DOCK3: variants seen among roughly 807,000 people sequenced by gnomAD.
DOCK3 encodes dedicator of cytokinesis protein 3.
In DOCK3, 60 loss-of-function variants were observed where a neutral mutation model predicts 265.6. That is an observed-to-expected ratio of 0.23 (90% CI 0.18 to 0.28). The LOEUF (loss-of-function observed/expected upper bound fraction) is 0.28. Ranked by LOEUF, DOCK3 falls within the 10% of genes least tolerant of loss-of-function variation. The probability of loss-of-function intolerance (pLI) is 1.00; values close to 1 mark genes in which losing one functional copy is unlikely to be tolerated. For synonymous variants in DOCK3, 881 were observed against 938.0 expected (o/e 0.94, Z 1.11); for missense variants, 1,981 against 2,594.3 (o/e 0.76, Z 5.14).
chr3:50,959,546 GTGTGTGTGTGTGTATA>G (rs1168740941), intron 5 of DOCK3, among the ~76,000 whole-genome samples: 1 of 142,230 alleles, frequency 7.0e-6, no homozygotes, highest in Non-Finnish European at 1.6e-5. Context: ...GTGTGTGTGT[GTGTGTGTGTGTGTATA>G]TATATATAAA....
chr3:51,153,417 T>C (rs1309493772), intron 10 of DOCK3, among the ~76,000 whole-genome samples: 1 of 152,196 alleles, frequency 6.6e-6, no homozygotes, highest in Non-Finnish European at 1.5e-5. Flanking sequence ...CTGTCATGGC[T>C]TCCCTTGGCT....
chr3:50,746,753 A>G (rs554173496), intron 1 of DOCK3, among the ~76,000 whole-genome samples: 1 of 152,112 alleles, frequency 6.6e-6, no homozygotes, highest in Non-Finnish European at 1.5e-5. Flanking sequence ...GAGCAGGAGT[A>G]AGGGGTGGAG....
At position 51,254,753 on chromosome 3, in the gene DOCK3, A is replaced by G. The variant is rs552306289; in HGVS notation, c.2185-5403A>G. 5.3e-5 allele frequency among the ~76,000 whole-genome samples: 8 copies of G among 152,214 alleles called. No individual in the cohort carries two copies. In the East Asian group the frequency reaches 9.6e-4, roughly 18 times the overall value. Reference sequence around the variant, plus strand: ...TCCTCCATCCCTTTATTTTGAGCCTATGTGTGTCTCTGCATGTGAGATGGT... The same window carrying G: ...TCCTCCATCCCTTTATTTTGAGCCTGTGTGTGTCTCTGCATGTGAGATGGT... On this transcript the variant is annotated intron_variant, in intron 22 of 52. Coordinates refer to ENST00000266037, the MANE Select transcript of DOCK3 (RefSeq NM_004947.5).
intron 4 of DOCK3, 51 bp downstream of exon 4, chr3:50,890,132 G>A: frequency 7.4e-7 from 1 of 1,350,418 alleles, no homozygotes; most frequent in Non-Finnish European, 9.6e-7. Flanking sequence ...AGGCTACAGA[G>A]GAAGATTGTT....
intron 4 of DOCK3, among the ~76,000 whole-genome samples, chr3:50,917,603 A>G (rs1185883581): frequency 1.3e-5 from 2 of 152,068 alleles, no homozygotes; most frequent in East Asian, 1.9e-4. Flanking sequence ...TTTTCTTCAC[A>G]TCAACTTTTT....
intron 5 of DOCK3, among the ~76,000 whole-genome samples, chr3:50,990,554 T>G (rs1244144520): frequency 6.6e-6 from 1 of 152,200 alleles, no homozygotes; most frequent in Non-Finnish European, 1.5e-5. Context: ...TATATCTAGC[T>G]GTATTAGGGT....
intron 5 of DOCK3, among the ~76,000 whole-genome samples, chr3:51,014,835 GT>G (rs2079089096): frequency 6.6e-6 from 1 of 151,958 alleles, no homozygotes; most frequent in South Asian, 2.1e-4. Context: ...TTGTTTTGTA[GT>G]TTTCTTTGTA....
chr3:50,799,917 G>A (rs2108664109), intron 2 of DOCK3, among the ~76,000 whole-genome samples: 1 of 152,242 alleles, frequency 6.6e-6, no homozygotes, highest in Middle Eastern at 3.4e-3. Context: ...AAGGGATGTT[G>A]AATTTCATTA....
intron 10 of DOCK3, among the ~76,000 whole-genome samples, chr3:51,150,286 A>C (rs982204086): frequency 1.3e-5 from 2 of 152,126 alleles, no homozygotes. Context: ...TCAAAAAAAC[A>C]GCTCCTGGAT....
chr3:51,198,561 C>A, intron 12 of DOCK3, among the ~76,000 whole-genome samples: 2 of 117,272 alleles, frequency 1.7e-5, no homozygotes, highest in East Asian at 2.5e-4. Context: ...TATTATTTAT[C>A]ATTCACTGAC....
At position 51,214,222 on chromosome 3, in the gene DOCK3, G is replaced by T. The variant is rs765326812; in HGVS notation, c.1227G>T (p.Leu409Phe). The T allele has an allele frequency of 6.2e-7, 1 of 1,613,684 alleles. No homozygotes were observed. Among genetic ancestry groups the T allele is most frequent in the Admixed American group, 1.7e-5 (1 of 59,958 alleles). The part of the protein sequence containing the change: ...FNRGLAITRK[L>F]GFPDVIMPGD... ...GGGGATTGGCAATTACAAGAAAATT[G>T]GGATTTCCTGATGTCATTATGCCAG... The change falls in exon 14 of 53, where the codon TTG (leucine) becomes TTT (phenylalanine). Residue 409 changes from leucine to phenylalanine, a missense_variant. Around this residue, in one of 4 missense-constraint regions of DOCK3, gnomAD observed 456 missense variants for 539.0 expected, o/e 0.85. Coordinates refer to ENST00000266037, the MANE Select transcript of DOCK3 (RefSeq NM_004947.5).
At chr3:50,955,068 AT>A in intron 5 of DOCK3, among the ~76,000 whole-genome samples, 1 of 152,264 alleles carries the variant, frequency 6.6e-6, no homozygotes, top group East Asian at 1.9e-4. Context: ...AGCACCACTT[AT>A]TGAATAGGGA....
chr3:51,290,750 A>G (rs1384953438), intron 27 of DOCK3, among the ~76,000 whole-genome samples: 2 of 152,150 alleles, frequency 1.3e-5, no homozygotes, highest in Non-Finnish European at 2.9e-5. Context: ...TAGCTATACT[A>G]TTTCAGACAA....
chr3:51,047,689 CAAG>C (rs930150936), intron 5 of DOCK3, among the ~76,000 whole-genome samples: 17 of 152,014 alleles, frequency 1.1e-4, no homozygotes, highest in African/African-American at 3.6e-4. Flanking sequence ...CGAGGCTGAT[CAAG>C]AAGAAGGATA....
intron 3 of DOCK3, among the ~76,000 whole-genome samples, chr3:50,889,066 G>GGTCTGTGTGT (rs1553558567): frequency 2.2e-5 from 3 of 134,192 alleles, no homozygotes; most frequent in Admixed American, 7.5e-5. Flanking sequence ...TTAAGCCATG[G>GGTCTGTGTGT]GTGTGTGTGT....
At chr3:50,974,056 T>C (rs2077348708) in intron 5 of DOCK3, among the ~76,000 whole-genome samples, 1 of 150,932 alleles carries the variant, frequency 6.6e-6, no homozygotes, top group South Asian at 2.1e-4. Flanking sequence ...GTCAGATGAG[T>C]AGGTTGCAAA....
chr3:51,119,159 G>A (rs1419954171), intron 9 of DOCK3, among the ~76,000 whole-genome samples: 1 of 152,066 alleles, frequency 6.6e-6, no homozygotes, highest in Non-Finnish European at 1.5e-5. Flanking sequence ...GGCAGGCCTG[G>A]GTAGTGACAC....
chr3:50,958,024 A>G (rs1175162672), intron 5 of DOCK3, among the ~76,000 whole-genome samples: 2 of 151,870 alleles, frequency 1.3e-5, no homozygotes, highest in Admixed American at 6.6e-5. Flanking sequence ...TTTCTCTCCT[A>G]TCCTGCAGAC....
At chr3:51,180,886 A>G (rs934318887) in intron 12 of DOCK3, among the ~76,000 whole-genome samples, 4 of 152,212 alleles carry the variant, frequency 2.6e-5, no homozygotes, top group Non-Finnish European at 5.9e-5. Context: ...AAAGGAGGGA[A>G]GAGGCAGAAC....
Sources: gnomAD v4.1 joint callset for allele counts (sites outside exome capture counted in the v4.1 genomes callset) on GRCh38, gnomAD v4.1.1 for gene constraint, gnomAD v4.1.1 regional missense constraint, MANE v1.5 for transcripts, NCBI Gene and HGNC (gene_info 2026-07-23, HGNC 2026-07-21) for gene names.